The following SHISA8 variants were observed in gnomAD, a reference collection of about 807,000 sequenced individuals.
SHISA8 encodes the protein shisa family member 8.
In SHISA8, 21 loss-of-function variants were observed where a neutral mutation model predicts 21.1. The ratio of observed to expected loss-of-function variants is 0.99; its 90% confidence interval spans 0.71 to 1.43. The LOEUF (loss-of-function observed/expected upper bound fraction) is 1.43. Among genes scored for constraint, SHISA8 ranks in the 40% most tolerant of loss-of-function variants. The pLI is 0.00. For missense variants in SHISA8, 535 were observed against 599.1 expected, an observed-to-expected ratio of 0.89 and a Z score of 1.12; for synonymous variants, 300 against 291.4, an observed-to-expected ratio of 1.03 and a Z score of -0.30.
intron 1 of SHISA8, among the ~76,000 whole-genome samples, chr22:41,911,577 G>A (rs937633127): frequency 2.0e-5 from 3 of 152,052 alleles, no homozygotes; most frequent in African/African-American, 7.2e-5. Flanking sequence ...AAACTCTAAT[G>A]AGGCTCCCCT....
Position 41,910,151 on chromosome 22 carries a change from C to T in SHISA8, c.812-4G>A. On this transcript the variant is annotated splice_region_variant and splice_polypyrimidine_tract_variant and intron_variant, in intron 3 of 3. Coordinates refer to ENST00000621082, the MANE Select transcript of SHISA8 (RefSeq NM_001207020.3). The surrounding 1 kb of genome is among the most constrained non-coding windows in gnomAD (Gnocchi z 6.8). Reference sequence around the variant, plus strand: ...CAGAAGTCCCGCGGGGCGGCCTCTGCGGGGACAGGGCAGGGAAGAGTGACG... The same window carrying T: ...CAGAAGTCCCGCGGGGCGGCCTCTGTGGGGACAGGGCAGGGAAGAGTGACG... The T allele has an allele frequency of 8.1e-7, 1 of 1,236,432 alleles. No homozygotes were observed. The highest frequency in any genetic ancestry group is 1.0e-6 in the Non-Finnish European group (1 of 992,862). The allele number at this position is 1,236,432 out of a possible 1,614,324, so 76.6% of individuals were successfully genotyped here.
At chr22:41,913,415 T>G (rs7284216) in intron 1 of SHISA8, among the ~76,000 whole-genome samples, 2,479 of 152,070 alleles carry the variant, frequency 0.016, 71 homozygotes, top group African/African-American at 0.058. Flanking sequence ...TGGGTGGGAG[T>G]TCCAGGGTCA....
intron 1 of SHISA8, among the ~76,000 whole-genome samples, chr22:41,913,295 G>A (rs1200828847): frequency 2.0e-5 from 3 of 152,260 alleles, no homozygotes; most frequent in Non-Finnish European, 2.9e-5. Flanking sequence ...TGTCACATTC[G>A]GTGTCAGCAG....
chr22:41,913,934 G>T (rs900309948), intron 1 of SHISA8, among the ~76,000 whole-genome samples: 19 of 150,194 alleles, frequency 1.3e-4, no homozygotes, highest in Non-Finnish European at 2.2e-4. Context: ...CGCCCAGCAC[G>T]GGCAGAAGGT....
At position 41,910,223 on chromosome 22, in the gene SHISA8, G is replaced by A. The variant is rs1040990961; in HGVS notation, c.812-76C>T. ...AGGACTGGACAAGGGGTCCCGGCCG[G>A]GGACTGGGACGGGGACCGGGCCGGG... On this transcript the variant is annotated intron_variant, in intron 3 of 3. Coordinates refer to ENST00000621082, the MANE Select transcript of SHISA8 (RefSeq NM_001207020.3). This position sits in a 1 kb window ranked among gnomAD's most constrained non-coding sequence, Gnocchi z 6.8. 18 of 1,225,716 alleles carry A rather than the reference G, an allele frequency of 1.5e-5. No individual in the cohort carries two copies. The highest frequency in any genetic ancestry group is 3.9e-5 in the South Asian group (1 of 25,946). 75.9% of individuals were successfully genotyped at this position (1,225,716 alleles called of 1,614,324 possible).
At position 41,909,789 on chromosome 22, in the gene SHISA8, A is replaced by AT. The variant is rs2077534609; in HGVS notation, c.1169dup (p.Asn390LysfsTer2). 6.7e-7 allele frequency: 1 copy of AT among 1,495,434 alleles called. No individual in the cohort carries two copies. The highest frequency in any genetic ancestry group is 1.4e-5 in the African/African-American group (1 of 69,944). The allele number at this position is 1,495,434 out of a possible 1,614,324, so 92.6% of individuals were successfully genotyped here. A position where few individuals can be genotyped will look rare whatever the true frequency, so the allele number is the denominator to read the frequency against. On this transcript the variant is annotated frameshift_variant, in exon 4 of 4. Transcript: ENST00000621082. LOFTEE classifies it high-confidence loss of function. ...TTCACACGGTGACCTCGGTCTTGCT[A>AT]TTGGTCCTTAGGTACCGGGACCCGC...
At position 41,914,900 on chromosome 22, in the gene SHISA8, C is replaced by T. The variant is rs982187067; in HGVS notation, c.-233G>A. ...TCACCTCGGACCCGAGCTGCCCGGT[C>T]CGCGTCCTGAGATCTTCCCCGGGCC... On this transcript the variant is annotated 5_prime_UTR_variant, in exon 1 of 4. Coordinates refer to ENST00000621082, the MANE Select transcript of SHISA8 (RefSeq NM_001207020.3). This position sits in a 1 kb window ranked among gnomAD's most constrained non-coding sequence, Gnocchi z 6.8. Among the ~76,000 whole-genome samples the T allele has an allele frequency of 4.5e-4, 68 of 151,488 alleles. No homozygotes were observed. Among genetic ancestry groups the T allele is most frequent in the Non-Finnish European group, 8.6e-4 (58 of 67,694 alleles).
At position 41,909,791 on chromosome 22, in the gene SHISA8, T is replaced by C; in HGVS notation, c.1168A>G (p.Asn390Asp). The C allele has an allele frequency of 1.3e-6, 2 of 1,498,266 alleles. No homozygotes were observed. The highest frequency in any genetic ancestry group is 1.8e-6 in the Non-Finnish European group (2 of 1,128,758). The allele number at this position is 1,498,266 out of a possible 1,614,324, so 92.8% of individuals were successfully genotyped here. A position where few individuals can be genotyped will look rare whatever the true frequency, so the allele number is the denominator to read the frequency against. The change falls in exon 4 of 4, where the codon AAT becomes GAT. Residue 390 changes from asparagine to aspartate, a missense_variant. Coordinates refer to ENST00000621082, the MANE Select transcript of SHISA8 (RefSeq NM_001207020.3). Reference protein sequence around the residue: ...AGRGSRYLRTNSKTEVTV With the variant: ...AGRGSRYLRTDSKTEVTV The stretch of plus-strand genomic sequence containing the variant: ...CACACGGTGACCTCGGTCTTGCTAT[T>C]GGTCCTTAGGTACCGGGACCCGCGG...
In SHISA8 at chr22:41,909,771, G is replaced by A. The variant is rs534169843; in HGVS notation, c.1188C>T (p.Thr396=). 63 of 1,464,940 alleles carry A rather than the reference G, an allele frequency of 4.3e-5. No individual in the cohort carries two copies. The Middle Eastern group carries it at 8.8e-4, about 21-fold the overall frequency. The allele number at this position is 1,464,940 out of a possible 1,614,324, so 90.7% of individuals were successfully genotyped here. A position where few individuals can be genotyped will look rare whatever the true frequency, so the allele number is the denominator to read the frequency against. The stretch of plus-strand genomic sequence containing the variant: ...AGGGCACCGCGGCCCCGCTTCACAC[G>A]GTGACCTCGGTCTTGCTATTGGTCC... ...YLRTNSKTEV[T]V The change falls in exon 4 of 4, where the codon ACC becomes ACT. Residue 396 remains threonine (T), a synonymous_variant. Transcript: ENST00000621082.
In SHISA8 at chr22:41,910,302, G is replaced by GGC; in HGVS notation, c.811+104_811+105dup. ...GAGGGAGCCGATTGGCCGAGCGGCG[G>GGC]GCGCGCGGAACTGGGAATTTGGCGC... On this transcript the variant is annotated intron_variant, in intron 3 of 3. Transcript: ENST00000621082. This position sits in a 1 kb window ranked among gnomAD's most constrained non-coding sequence, Gnocchi z 6.8. 1 of 1,238,224 alleles carries GGC rather than the reference G, an allele frequency of 8.1e-7. No individual in the cohort carries two copies. The highest frequency in any genetic ancestry group is 1.0e-6 in the Non-Finnish European group (1 of 989,684). 76.7% of individuals were successfully genotyped at this position (1,238,224 alleles called of 1,614,324 possible). A position where few individuals can be genotyped will look rare whatever the true frequency, so the allele number is the denominator to read the frequency against.
At position 41,910,521 on chromosome 22, in the gene SHISA8, G is replaced by C; in HGVS notation, c.698C>G (p.Ser233Trp). The C allele has an allele frequency of 8.0e-7, 1 of 1,245,142 alleles. No homozygotes were observed. Among genetic ancestry groups the C allele is most frequent in the Non-Finnish European group, 1.0e-6 (1 of 998,596 alleles). 77.1% of individuals were successfully genotyped at this position (1,245,142 alleles called of 1,614,324 possible). ...GCCGCGCGGGGGCCCCGGGGCGGCC[G>C]ACCCCCGGGGCGCGTTGTTGAGGCG... ...KKRLNNAPRG[S>W]AAPGPPRGPR... The change falls in exon 3 of 4, where the codon TCG becomes TGG. Residue 233 changes from serine to tryptophan, a missense_variant. Ser to Trp is a radical substitution (Grantham distance 177). Transcript: ENST00000621082. The surrounding 1 kb of genome is among the most constrained non-coding windows in gnomAD (Gnocchi z 6.8).
At chr22:41,913,367 G>A (rs912586245) in intron 1 of SHISA8, among the ~76,000 whole-genome samples, 31 of 152,382 alleles carry the variant, frequency 2.0e-4, no homozygotes, top group Admixed American at 1.9e-3. Flanking sequence ...CCAGGGCATG[G>A]GGGTTGCTGG....
In SHISA8 at chr22:41,909,948, G is replaced by A. The variant is rs1255742072; in HGVS notation, c.1011C>T (p.Ala337=). 2.0e-6 allele frequency: 3 copies of A among 1,489,540 alleles called. No individual in the cohort carries two copies. Among genetic ancestry groups the A allele is most frequent in the Admixed American group, 4.5e-5 (2 of 44,472 alleles). The allele number at this position is 1,489,540 out of a possible 1,614,324, so 92.3% of individuals were successfully genotyped here. ...CCCGAGCCGTCGGGTGGCTGAGCGG[G>A]GCGGGCCGGGCCGGGCGACTGGAGG... ...AWTSSRPARP[A]PLSHPTARAF... Residue 337 remains alanine (A), a synonymous_variant, in exon 4 of 4, where the codon GCC becomes GCT. Transcript: ENST00000621082.
At chr22:41,913,845 A>G (rs1012338208) in intron 1 of SHISA8, among the ~76,000 whole-genome samples, 3 of 151,962 alleles carry the variant, frequency 2.0e-5, no homozygotes, top group Non-Finnish European at 2.9e-5. Context: ...CCCTCTGTGC[A>G]AGGCTACCTG....
At chr22:41,913,244 G>A (rs2077563266) in intron 1 of SHISA8, among the ~76,000 whole-genome samples, 1 of 152,266 alleles carries the variant, frequency 6.6e-6, no homozygotes, top group African/African-American at 2.4e-5. Flanking sequence ...TGGCCTGCCA[G>A]GGTATGAAGG....
chr22:41,913,848 G>T (rs2077566638), intron 1 of SHISA8, among the ~76,000 whole-genome samples: 1 of 152,082 alleles, frequency 6.6e-6, no homozygotes. Flanking sequence ...TCTGTGCAAG[G>T]CTACCTGTCC....
chr22:41,911,983 G>A (rs755299218), intron 1 of SHISA8, among the ~76,000 whole-genome samples: 5 of 152,186 alleles, frequency 3.3e-5, no homozygotes, highest in South Asian at 2.1e-4. Context: ...CGCCGGTCTC[G>A]GCCTCCCAAA....
At position 41,914,227 on chromosome 22, in the gene SHISA8, G is replaced by C. The variant is rs948065089; in HGVS notation, c.441C>G (p.Gly147=). The change falls in exon 1 of 4, where the codon GGC becomes GGG. Residue 147 remains glycine, a synonymous_variant. Transcript: ENST00000621082. The surrounding 1 kb of genome is among the most constrained non-coding windows in gnomAD (Gnocchi z 6.8). ...CGGCCAGCACCAGCAGCGCTGCGAC[G>C]CCGCACACAGCGTAGACGGCCGTAT... The part of the protein sequence containing the change: ...RSHTAVYAVC[G]VAALLVLAGI... 9 of 1,445,544 alleles carry C rather than the reference G, an allele frequency of 6.2e-6. No individual in the cohort carries two copies. In the South Asian group the frequency reaches 9.6e-5, roughly 15 times the overall value. 89.5% of individuals were successfully genotyped at this position (1,445,544 alleles called of 1,614,324 possible).
At chr22:41,912,432 G>C (rs1056113404) in intron 1 of SHISA8, among the ~76,000 whole-genome samples, 2 of 152,180 alleles carry the variant, frequency 1.3e-5, no homozygotes, top group Non-Finnish European at 2.9e-5. Context: ...AACCATCCTA[G>C]TACCTGCCTG....
Sources: allele counts gnomAD v4.1 joint callset (sites outside exome capture counted in the v4.1 genomes callset), GRCh38; gene constraint gnomAD v4.1.1; non-coding constraint Gnocchi (gnomAD v3.1); transcripts MANE v1.5; gene names NCBI Gene and HGNC (gene_info 2026-07-23, HGNC 2026-07-21).